Variants in KLHL28 observed in about 807,000 individuals in gnomAD.
KLHL28 encodes kelch like family member 28, also known as kelch-like protein 28.
Under a neutral mutation model 48.3 loss-of-function variants are expected in KLHL28, and 22 were observed. The observed-to-expected ratio is 0.46, with a 90% CI of 0.33 to 0.65. The LOEUF (loss-of-function observed/expected upper bound fraction) is 0.65. KLHL28 is among the 30% of genes least tolerant of loss of function. The pLI is 0.03. For synonymous variants in KLHL28, 243 were observed against 242.4 expected (o/e 1.00, Z -0.02); for missense variants, 527 against 704.3 (o/e 0.75, Z 2.85).
Position 44,934,370 on chromosome 14 carries a change from G to T in KLHL28, c.1088C>A (p.Thr363Lys), listed in dbSNP as rs1368023859. 1.2e-6 allele frequency: 2 copies of T among 1,614,110 alleles called. No individual in the cohort carries two copies. Among genetic ancestry groups the T allele is most frequent in the Admixed American group, 1.7e-5 (1 of 60,020 alleles). The change falls in exon 3 of 5, where the codon ACA (threonine) becomes AAA (lysine). Residue 363 changes from threonine (T) to lysine (K), a missense_variant. Thr to Lys is a moderately conservative substitution (Grantham distance 78). Transcript: ENST00000396128. ...TCTCTCTAGAGAAGTCCAAGTATTT[G>T]TATCAGGATTCCAGCATTCCACTGA... Reference protein sequence around the residue: ...ENSVECWNPDTNTWTSLERMN... With the variant: ...ENSVECWNPDKNTWTSLERMN...
chr14:44,951,987 T>C (rs1884604200), intron 1 of KLHL28, among the ~76,000 whole-genome samples: 1 of 152,110 alleles, frequency 6.6e-6, no homozygotes, highest in African/African-American at 2.4e-5. Context: ...GCCTCCCAAG[T>C]AGCTGGGGCT....
intron 2 of KLHL28, among the ~76,000 whole-genome samples, chr14:44,943,053 T>A (rs1884168293): frequency 6.6e-6 from 1 of 152,154 alleles, no homozygotes; most frequent in African/African-American, 2.4e-5. Flanking sequence ...TACTTTTAAT[T>A]TTTAAAATTT....
chr14:44,946,835 C>T (rs563422065), intron 1 of KLHL28, among the ~76,000 whole-genome samples: 1 of 152,332 alleles, frequency 6.6e-6, no homozygotes, highest in Non-Finnish European at 1.5e-5. Context: ...GGATTACAGG[C>T]ATGGGCCACC....
At chr14:44,954,112 C>T (rs1332180787) in intron 1 of KLHL28, among the ~76,000 whole-genome samples, 1 of 152,104 alleles carries the variant, frequency 6.6e-6, no homozygotes, top group East Asian at 1.9e-4. Context: ...ATGGAGTTAA[C>T]AATTCTCTCT....
At chr14:44,933,449 T>C (rs1883672263) in intron 3 of KLHL28, among the ~76,000 whole-genome samples, 2 of 152,026 alleles carry the variant, frequency 1.3e-5, no homozygotes, top group African/African-American at 4.8e-5. Flanking sequence ...GTATTAGGAT[T>C]ACAGGCGTGA....
In KLHL28 at chr14:44,934,486, A is replaced by G. The variant is rs1463106978; in HGVS notation, c.972T>C (p.Phe324=). 1 of 1,613,896 alleles carries G rather than the reference A, an allele frequency of 6.2e-7. No homozygotes were observed. Among genetic ancestry groups the G allele is most frequent in the South Asian group, 1.1e-5 (1 of 91,024 alleles). Residue 324 remains phenylalanine (F), a synonymous_variant, in exon 3 of 5, where the codon TTT becomes TTC. Coordinates refer to ENST00000396128, the MANE Select transcript of KLHL28 (RefSeq NM_017658.5). ...LAPLNIPRYE[F]GICVLDQKVY... is the part of the protein sequence containing the mutation. ...CTTTTTGGTCTAAAACGCATATTCC[A>G]AATTCATAGCGAGGAATGTTTAGGG...
At position 44,928,203 on chromosome 14, in the gene KLHL28, C is replaced by G. The variant is rs1883439050; in HGVS notation, c.*825G>C. The G allele has an allele frequency of 6.6e-6, 1 of 152,258 alleles. No individual in the cohort carries two copies. The allele number at this position is 152,258 out of a possible 1,614,324, so 9.4% of individuals were successfully genotyped here. On this transcript the variant is annotated 3_prime_UTR_variant, in exon 5 of 5. Transcript: ENST00000396128. The stretch of plus-strand genomic sequence containing the variant: ...AATATGCACTAAGAATGGTACTAAA[C>G]ACTGCTCAAATATTTACATCAGCAC...
intron 1 of KLHL28, among the ~76,000 whole-genome samples, chr14:44,960,655 C>T (rs1486470903): frequency 1.3e-5 from 2 of 152,052 alleles, no homozygotes; most frequent in Non-Finnish European, 2.9e-5. Context: ...AGAATTTAAA[C>T]CAAAACATAG....
At position 44,938,197 on chromosome 14, in the gene KLHL28, C is replaced by T. The variant is rs150046906; in HGVS notation, c.900-3639G>A. 2.8e-3 allele frequency among the ~76,000 whole-genome samples: 432 copies of T among 152,258 alleles called. 2 individuals carry two copies. Among genetic ancestry groups the T allele is most frequent in the African/African-American group, 0.01 (416 of 41,548 alleles). On this transcript the variant is annotated intron_variant, in intron 2 of 4. Transcript: ENST00000396128. Reference sequence around the variant, plus strand: ...AAGCGAGAGTCAAGGCATGATACATCCTGAGGCAAATTCCCTTCCTGCTGT... The same window carrying T: ...AAGCGAGAGTCAAGGCATGATACATTCTGAGGCAAATTCCCTTCCTGCTGT...
intron 2 of KLHL28, 32 bp from the exon 3 acceptor site, chr14:44,934,590 A>G: frequency 1.3e-6 from 2 of 1,489,280 alleles, no homozygotes; most frequent in Non-Finnish European, 9.0e-7. Context: ...TATAAAATTT[A>G]AAAACCAAAG....
intron 2 of KLHL28, among the ~76,000 whole-genome samples, chr14:44,943,082 G>T (rs1884170442): frequency 6.6e-6 from 1 of 152,004 alleles, no homozygotes; most frequent in Non-Finnish European, 1.5e-5. Context: ...TAGATTCTAT[G>T]ATAAAAGATT....
chr14:44,945,963 C>A, intron 1 of KLHL28, 35 bp from the exon 2 acceptor site: 1 of 1,538,490 alleles, frequency 6.5e-7, no homozygotes, highest in Non-Finnish European at 8.9e-7. Flanking sequence ...ACAGTTATTT[C>A]AAAGTAAACT....
chr14:44,954,983 T>C (rs907673219), intron 1 of KLHL28, among the ~76,000 whole-genome samples: 3 of 152,170 alleles, frequency 2.0e-5, no homozygotes, highest in Non-Finnish European at 2.9e-5. Flanking sequence ...AGTAATCGCA[T>C]TGTTGATAAG....
At position 44,945,773 on chromosome 14, in the gene KLHL28, T is replaced by C. The variant is rs1884307825; in HGVS notation, c.156A>G (p.Val52=). 1.2e-6 allele frequency: 2 copies of C among 1,614,174 alleles called. No homozygotes were observed. Among genetic ancestry groups the C allele is most frequent in the East Asian group, 4.5e-5 (2 of 44,888 alleles). Residue 52 remains valine, a synonymous_variant, in exon 2 of 5, where the codon GTA becomes GTG. Transcript: ENST00000396128. ...GDVKIHAHKV[V]LASVSPYFKA... Reference sequence around the variant, plus strand: ...TGAAATACGGGCTGACGCTGGCAAGTACCACTTTGTGAGCATGAATTTTAA... The same window carrying C: ...TGAAATACGGGCTGACGCTGGCAAGCACCACTTTGTGAGCATGAATTTTAA...
chr14:44,941,316 C>T (rs927476108), intron 2 of KLHL28, among the ~76,000 whole-genome samples: 10 of 152,186 alleles, frequency 6.6e-5, no homozygotes, highest in Non-Finnish European at 1.5e-4. Context: ...GTATCTACAG[C>T]ATTTCTACAA....
intron 4 of KLHL28, 36 bp downstream of exon 4, chr14:44,931,297 G>T: frequency 7.5e-7 from 1 of 1,333,742 alleles, no homozygotes; most frequent in Non-Finnish European, 1.1e-6. Context: ...AGAAAACATT[G>T]CCTTACATGT....
chr14:44,926,845 T>C lies in KLHL28; in HGVS notation c.*2183A>G, dbSNP rs925013041. 3.3e-5 allele frequency: 5 copies of C among 152,230 alleles called. No individual in the cohort carries two copies. Among genetic ancestry groups the C allele is most frequent in the Non-Finnish European group, 5.9e-5 (4 of 68,014 alleles). The allele number at this position is 152,230 out of a possible 1,614,324, so 9.4% of individuals were successfully genotyped here. A position where few individuals can be genotyped will look rare whatever the true frequency, so the allele number is the denominator to read the frequency against. On this transcript the variant is annotated 3_prime_UTR_variant, in exon 5 of 5. Transcript: ENST00000396128. ...CCACAGTCTTTCAAATTCCCTTATC[T>C]TTTGGGAATAGGGGATTAAAAATAG... is the stretch of plus-strand genomic sequence containing the variant.
At chr14:44,949,344 C>A (rs1350883990) in intron 1 of KLHL28, among the ~76,000 whole-genome samples, 1 of 151,918 alleles carries the variant, frequency 6.6e-6, no homozygotes, top group Non-Finnish European at 1.5e-5. Context: ...AGGTTTGTTT[C>A]TTTTTAAAAA....
At chr14:44,952,111 T>C (rs1415043481) in intron 1 of KLHL28, among the ~76,000 whole-genome samples, 5 of 152,148 alleles carry the variant, frequency 3.3e-5, no homozygotes, top group Admixed American at 2.0e-4. Flanking sequence ...TCACCCACCC[T>C]GGACTCCTAA....
Sources: allele counts gnomAD v4.1 joint callset (sites outside exome capture counted in the v4.1 genomes callset), GRCh38; gene constraint gnomAD v4.1.1; transcripts MANE v1.5; gene names NCBI Gene and HGNC (gene_info 2026-07-23, HGNC 2026-07-21).